SORL1: variants seen among roughly 807,000 people sequenced by gnomAD.
SORL1 encodes the protein sortilin related receptor 1.
SORL1 carries 127 observed loss-of-function variants against 273.7 expected under a neutral mutation model. That is an observed-to-expected ratio of 0.46 (90% CI 0.40 to 0.54). The LOEUF (loss-of-function observed/expected upper bound fraction) is 0.54. Among genes scored for constraint, SORL1 ranks in the 20% least tolerant of loss-of-function variants. The pLI, the probability that SORL1 is intolerant of heterozygous loss-of-function variation, is 0.00. For synonymous variants in SORL1, 1,031 were observed against 1,067.4 expected, an observed-to-expected ratio of 0.97 and a Z score of 0.66; for missense variants, 2,494 against 2,846.1, an observed-to-expected ratio of 0.88 and a Z score of 2.81.
rs765180150 is a variant in SORL1, at chr11:121,607,152, C to G, written c.5062-34C>G. The G allele has an allele frequency of 3.7e-6, 5 of 1,355,544 alleles. 1 individual carries two copies. The South Asian group carries it at 5.9e-5, about 16-fold the overall frequency. The allele number at this position is 1,355,544 out of a possible 1,614,324, so 84.0% of individuals were successfully genotyped here. ...ATTAGGATGCCCTGGACCTTTGGTT[C>G]CCTTTACTCACATTTTTTTTCTTCT... On this transcript the variant is annotated intron_variant, in intron 36 of 47. Coordinates refer to ENST00000260197, the MANE Select transcript of SORL1 (RefSeq NM_003105.6).
chr11:121,454,959 G>C (rs1396707561), intron 1 of SORL1, among the ~76,000 whole-genome samples: 1 of 152,172 alleles, frequency 6.6e-6, no homozygotes, highest in African/African-American at 2.4e-5. Context: ...GTGTCAAGAT[G>C]TGACAATAAA....
intron 2 of SORL1, among the ~76,000 whole-genome samples, chr11:121,470,936 G>A (rs1247399335): frequency 6.6e-6 from 1 of 152,138 alleles, no homozygotes; most frequent in Non-Finnish European, 1.5e-5. Flanking sequence ...CAATCCGCCT[G>A]CCTCGGCCTC....
At chr11:121,474,301 A>G (rs117612562) in intron 2 of SORL1, among the ~76,000 whole-genome samples, 2 of 150,876 alleles carry the variant, frequency 1.3e-5, no homozygotes, top group South Asian at 2.1e-4. Flanking sequence ...CAGAACCTGC[A>G]CTTGACCAGT....
intron 12 of SORL1, among the ~76,000 whole-genome samples, chr11:121,536,179 G>A (rs1033667256): frequency 2.6e-5 from 4 of 151,978 alleles, no homozygotes; most frequent in African/African-American, 9.7e-5. Flanking sequence ...ATTTCATAGG[G>A]GCTTCTCTCT....
At chr11:121,578,703 T>C (rs1405796069) in intron 25 of SORL1, among the ~76,000 whole-genome samples, 1 of 152,226 alleles carries the variant, frequency 6.6e-6, no homozygotes, top group African/African-American at 2.4e-5. Flanking sequence ...TCATATGGCC[T>C]TAAGGGAGTG....
At chr11:121,455,436 A>T (rs916568502) in intron 1 of SORL1, among the ~76,000 whole-genome samples, 1 of 152,218 alleles carries the variant, frequency 6.6e-6, no homozygotes, top group Non-Finnish European at 1.5e-5. Context: ...GGCGATGTTA[A>T]GGCCACCACC....
intron 28 of SORL1, among the ~76,000 whole-genome samples, chr11:121,588,798 C>A (rs1008932703): frequency 6.6e-6 from 1 of 152,188 alleles, no homozygotes; most frequent in African/African-American, 2.4e-5. Flanking sequence ...AGGCCTCTCT[C>A]CCTGGCCTCA....
chr11:121,536,958 A>C (rs1862276339), intron 12 of SORL1, among the ~76,000 whole-genome samples: 2 of 152,120 alleles, frequency 1.3e-5, no homozygotes, highest in Admixed American at 6.5e-5. Context: ...TGGGAGCCAG[A>C]ATGAGGGCCA....
At chr11:121,489,241 G>A (rs1348275494) in intron 4 of SORL1, among the ~76,000 whole-genome samples, 4 of 152,086 alleles carry the variant, frequency 2.6e-5, no homozygotes, top group Non-Finnish European at 5.9e-5. Context: ...TACTCATAAC[G>A]TACAATTTGC....
intron 26 of SORL1, 108 bp downstream of exon 26, chr11:121,583,691 A>G (rs1019237144): frequency 2.4e-6 from 3 of 1,255,904 alleles, no homozygotes; most frequent in Non-Finnish European, 3.2e-6. Flanking sequence ...CTATGCCTGT[A>G]TTTACACTCT....
chr11:121,529,413 C>T (rs766276880), intron 11 of SORL1, among the ~76,000 whole-genome samples: 3 of 152,150 alleles, frequency 2.0e-5, no homozygotes, highest in East Asian at 1.9e-4. Context: ...GACGGGGTTT[C>T]GCCATGTTGG....
At chr11:121,612,986 A>G (rs181094590) in intron 40 of SORL1, among the ~76,000 whole-genome samples, 154 bp downstream of exon 40, 458 of 152,268 alleles carry the variant, frequency 3.0e-3, no homozygotes, top group African/African-American at 0.01. Flanking sequence ...TGAGGATCCT[A>G]TAAGTGTGCT....
intron 6 of SORL1, among the ~76,000 whole-genome samples, chr11:121,510,987 G>T (rs931686519): frequency 5.9e-5 from 9 of 152,024 alleles, no homozygotes; most frequent in African/African-American, 2.2e-4. Flanking sequence ...AAAACCTATG[G>T]TTTATTAAGA....
At chr11:121,524,510 T>C (rs1009658344) in intron 11 of SORL1, among the ~76,000 whole-genome samples, 11 of 152,196 alleles carry the variant, frequency 7.2e-5, no homozygotes, top group Non-Finnish European at 1.2e-4. Context: ...AGTTTATCTG[T>C]GTGAGTGGGC....
chr11:121,590,822 TC>T (rs1453822828), intron 30 of SORL1, 178 bp from the exon 31 acceptor site: 1 of 781,460 alleles, frequency 1.3e-6, no homozygotes, highest in Admixed American at 1.7e-5. Flanking sequence ...TATTGCCTCT[TC>T]TGACAACCCA....
intron 3 of SORL1, among the ~76,000 whole-genome samples, chr11:121,479,913 T>C (rs1464362657): frequency 6.6e-6 from 1 of 151,852 alleles, no homozygotes; most frequent in Non-Finnish European, 1.5e-5. Context: ...AAGGAGAAGG[T>C]GTTGGAGGGA....
intron 32 of SORL1, among the ~76,000 whole-genome samples, chr11:121,597,024 T>C: frequency 6.6e-6 from 1 of 152,202 alleles, no homozygotes; most frequent in South Asian, 2.1e-4. Context: ...TTATAAGAGA[T>C]GTGAATTTGG....
At chr11:121,534,327 G>A (rs968991198) in intron 12 of SORL1, among the ~76,000 whole-genome samples, 5 of 152,098 alleles carry the variant, frequency 3.3e-5, no homozygotes, top group Admixed American at 6.5e-5. Flanking sequence ...ACCATCTGTC[G>A]GTGCATATGT....
intron 3 of SORL1, 59 bp downstream of exon 3, chr11:121,478,302 G>A (rs1282549381): frequency 1.3e-6 from 2 of 1,578,382 alleles, no homozygotes; most frequent in Non-Finnish European, 1.7e-6. Flanking sequence ...TGGAAAGATT[G>A]CCGCACTTAA....
Sources: allele counts gnomAD v4.1 joint callset (sites outside exome capture counted in the v4.1 genomes callset), GRCh38; gene constraint gnomAD v4.1.1; transcripts MANE v1.5; gene names NCBI Gene and HGNC (gene_info 2026-07-23, HGNC 2026-07-21).